Variants in CASZ1 observed in about 807,000 individuals in gnomAD.
CASZ1 encodes the protein zinc finger protein castor homolog 1.
CASZ1 carries 28 observed loss-of-function variants against 135.2 expected under a neutral mutation model. The observed-to-expected ratio is 0.21, with a 90% confidence interval of 0.15 to 0.28. The LOEUF (loss-of-function observed/expected upper bound fraction) is 0.28. Ranked by LOEUF, CASZ1 falls within the 10% of genes least tolerant of loss-of-function variation. CASZ1 has a pLI of 1.00. For synonymous variants in CASZ1, 1,068 were observed against 1,073.4 expected (o/e 0.99, Z 0.10); for missense variants, 2,161 against 2,453.3 (o/e 0.88, Z 2.52).
rs546281697 is a variant in CASZ1 at position 10,700,140 on chromosome 1, C to T, written c.-24+5352G>A. Among the ~76,000 whole-genome samples, 3 of 141,100 alleles carry T rather than the reference C, an allele frequency of 2.1e-5. No homozygotes were observed. Among genetic ancestry groups the T allele is most frequent in the African/African-American group, 7.9e-5 (3 of 37,972 alleles). The allele number at this position is 141,100 out of a possible 152,430, so 92.6% of individuals were successfully genotyped here. On this transcript the variant is annotated intron_variant, in intron 3 of 20. Transcript: ENST00000377022. The surrounding 1 kb of genome is among the most constrained non-coding windows in gnomAD (Gnocchi z 4.2). ...ACAGAGTATGAAGCAGGGACCTGGG[C>T]TAGTTGGGTTGCCCTGTGGGCCTGG...
chr1:10,716,809 T>C (rs1639402917), intron 2 of CASZ1, among the ~76,000 whole-genome samples: 1 of 152,220 alleles, frequency 6.6e-6, no homozygotes, highest in Non-Finnish European at 1.5e-5. Context: ...GCCCTGAGCA[T>C]GGAGTCAGTC....
intron 1 of CASZ1, among the ~76,000 whole-genome samples, chr1:10,789,716 C>T (rs886919315): frequency 3.3e-5 from 5 of 152,058 alleles, no homozygotes; most frequent in Admixed American, 6.5e-5. Flanking sequence ...CATCTCTCTT[C>T]TTCCTTCTCC....
chr1:10,660,477 ACATGCCGAGGAACTCGGT>A lies in CASZ1; in HGVS notation c.547_564del (p.Thr183_Met188del), dbSNP rs755970743. On this transcript the variant is annotated inframe_deletion, in exon 6 of 21. Coordinates refer to ENST00000377022, the MANE Select transcript of CASZ1 (RefSeq NM_001079843.3). Reference sequence around the variant, plus strand: ...CGCGTGTTCTGGTCATCATAGCCAAACATGCCGAGGAACTCGGTCATGGTGGAGGCCGCGTAGTCCCGC... The same window carrying A: ...CGCGTGTTCTGGTCATCATAGCCAAACATGGTGGAGGCCGCGTAGTCCCGC... 1 of 1,614,032 alleles carries A rather than the reference ACATGCCGAGGAACTCGGT, an allele frequency of 6.2e-7. No homozygotes were observed. The highest frequency in any genetic ancestry group is 8.5e-7 in the Non-Finnish European group (1 of 1,179,976).
At chr1:10,729,637 T>C (rs941031180) in intron 2 of CASZ1, among the ~76,000 whole-genome samples, 1 of 152,128 alleles carries the variant, frequency 6.6e-6, no homozygotes, top group African/African-American at 2.4e-5. Context: ...AAAGTCCCCA[T>C]AGTGGAACAC....
intron 1 of CASZ1, among the ~76,000 whole-genome samples, chr1:10,792,653 G>C (rs934652480): frequency 1.3e-5 from 2 of 150,918 alleles, no homozygotes; most frequent in African/African-American, 4.9e-5. Context: ...ATTTTTTTCT[G>C]TCTTCCTTTC....
intron 18 of CASZ1, among the ~76,000 whole-genome samples, chr1:10,643,821 G>A (rs575232152): frequency 1.9e-4 from 29 of 152,334 alleles, no homozygotes; most frequent in African/African-American, 6.7e-4. Context: ...CGCCCAGGCC[G>A]GCCAGGTGTC....
intron 1 of CASZ1, among the ~76,000 whole-genome samples, chr1:10,770,180 G>A (rs967071727): frequency 8.6e-5 from 13 of 152,008 alleles, no homozygotes; most frequent in Admixed American, 3.3e-4. Flanking sequence ...CACCTCCTGG[G>A]CTCAAGCCAT....
At position 10,794,986 on chromosome 1, in the gene CASZ1, T is replaced by A. The variant is rs1363029872; in HGVS notation, c.-234+1578A>T. The stretch of plus-strand genomic sequence containing the variant: ...CGCCCCCTCCCCTTCCAGACCCGGC[T>A]GCCCGGCCCGCCAGCTCCCGGCAGT... On this transcript the variant is annotated intron_variant, in intron 1 of 20. Coordinates refer to ENST00000377022, the MANE Select transcript of CASZ1 (RefSeq NM_001079843.3). This position sits in a 1 kb window ranked among gnomAD's most constrained non-coding sequence, Gnocchi z 5.6. Among the ~76,000 whole-genome samples the A allele has an allele frequency of 6.6e-6, 1 of 151,258 alleles. No homozygotes were observed. The highest frequency in any genetic ancestry group is 2.4e-5 in the African/African-American group (1 of 41,188).
In CASZ1 at chr1:10,762,174, T is replaced by A. The variant is rs994435208; in HGVS notation, c.-233-1317A>T. Among the ~76,000 whole-genome samples the A allele has an allele frequency of 2.0e-5, 3 of 152,050 alleles. No homozygotes were observed. Among genetic ancestry groups the A allele is most frequent in the South Asian group, 2.1e-4 (1 of 4,794 alleles). On this transcript the variant is annotated intron_variant, in intron 1 of 20. Transcript: ENST00000377022. This position sits in a 1 kb window ranked among gnomAD's most constrained non-coding sequence, Gnocchi z 4.1. ...CTCTTTGAAGGTGAGAGCTTCAGCA[T>A]CAGCTCTGCCCTACCTCGGCTGGGG...
intron 3 of CASZ1, among the ~76,000 whole-genome samples, chr1:10,695,516 A>C (rs569255790): frequency 6.9e-6 from 1 of 144,922 alleles, no homozygotes; most frequent in Admixed American, 6.8e-5. Context: ...GGCGCTCAGT[A>C]GAGCACAGGC....
intron 1 of CASZ1, among the ~76,000 whole-genome samples, chr1:10,780,619 G>C (rs138610525): frequency 2.6e-5 from 4 of 152,288 alleles, no homozygotes; most frequent in Non-Finnish European, 4.4e-5. Context: ...AAATACACCA[G>C]ATACTAAACA....
rs372560863 is a variant in CASZ1, at chr1:10,720,196, G to T, written c.-76-14652C>A. Among the ~76,000 whole-genome samples, 1 of 152,220 alleles carries T rather than the reference G, an allele frequency of 6.6e-6. No homozygotes were observed. The highest frequency in any genetic ancestry group is 2.4e-5 in the African/African-American group (1 of 41,452). On this transcript the variant is annotated intron_variant, in intron 2 of 20. Coordinates refer to ENST00000377022, the MANE Select transcript of CASZ1 (RefSeq NM_001079843.3). This position sits in a 1 kb window ranked among gnomAD's most constrained non-coding sequence, Gnocchi z 5.7. ...AATGCACGCGATGATCGTGCCTGTC[G>T]CAGGGGGCTGTGGTGAGGGTTTGGG... is the stretch of plus-strand genomic sequence containing the variant.
rs751106828 is a variant in CASZ1, at chr1:10,651,108, G to C, written c.2681-32C>G. ...GGGAGGGGTGGGAAGATGCGTCAGA[G>C]GGGCTGAAGGCCTGGCCCGGGCACA... On this transcript the variant is annotated intron_variant, in intron 11 of 20. Coordinates refer to ENST00000377022, the MANE Select transcript of CASZ1 (RefSeq NM_001079843.3). 3.4e-6 allele frequency: 5 copies of C among 1,461,306 alleles called. No homozygotes were observed. The South Asian group carries it at 6.1e-5, about 18-fold the overall frequency. 90.5% of individuals were successfully genotyped at this position (1,461,306 alleles called of 1,614,324 possible). A position where few individuals can be genotyped will look rare whatever the true frequency, so the allele number is the denominator to read the frequency against.
rs749858052 is a variant in CASZ1, at chr1:10,649,168, G to T, written c.3060C>A (p.Asp1020Glu). Residue 1020 changes from aspartate to glutamate, a missense_variant, in exon 15 of 21, where the codon GAC (aspartate) becomes GAA (glutamate). Asp to Glu is a conservative substitution (Grantham distance 45). Coordinates refer to ENST00000377022, the MANE Select transcript of CASZ1 (RefSeq NM_001079843.3). ...CCTTGTGGAGGAAGTCACACTGGCC[G>T]TCACAGAAGTCCTTTGTACCAAACC... ...LRRFGTKDFC[D>E]GQCDFLHKAH... 2 of 1,613,560 alleles carry T rather than the reference G, an allele frequency of 1.2e-6. No homozygotes were observed. Among genetic ancestry groups the T allele is most frequent in the Non-Finnish European group, 1.7e-6 (2 of 1,180,014 alleles).
chr1:10,660,560 T>A, intron 5 of CASZ1, 24 bp from the exon 6 acceptor site: 4 of 1,591,514 alleles, frequency 2.5e-6, no homozygotes, highest in East Asian at 2.2e-5. Context: ...TGGGGGCGCA[T>A]CACCTCTGGG....
chr1:10,641,671 A>AG (rs947829794), intron 20 of CASZ1, among the ~76,000 whole-genome samples: 1 of 152,164 alleles, frequency 6.6e-6, no homozygotes, highest in Non-Finnish European at 1.5e-5. Flanking sequence ...GCCAGATCCC[A>AG]GGGGGACTCC....
At chr1:10,758,732 A>G (rs1019488453) in intron 2 of CASZ1, among the ~76,000 whole-genome samples, 2 of 152,128 alleles carry the variant, frequency 1.3e-5, no homozygotes, top group African/African-American at 4.8e-5. Context: ...TGCAGACCAG[A>G]CCTACGCACA....
intron 1 of CASZ1, among the ~76,000 whole-genome samples, chr1:10,793,996 G>C (rs956138987): frequency 1.3e-5 from 2 of 152,150 alleles, no homozygotes; most frequent in Admixed American, 6.5e-5. Context: ...CTTTGCGCTC[G>C]GGCGCCGAAC....
rs1641077845 is a variant in CASZ1 at position 10,796,618 on chromosome 1, G to A, written c.-288C>T. The A allele has an allele frequency of 6.6e-6, 1 of 152,320 alleles. No individual in the cohort carries two copies. The highest frequency in any genetic ancestry group is 2.1e-4 in the South Asian group (1 of 4,838). 9.4% of individuals were successfully genotyped at this position (152,320 alleles called of 1,614,324 possible). ...CCAAGTCCGGGGGAAAAATGTGTGT[G>A]TGTTTGGGATGGAGCGCCGCGGGCG... On this transcript the variant is annotated 5_prime_UTR_variant, in exon 1 of 21. Transcript: ENST00000377022.
Sources: gnomAD v4.1 joint callset for allele counts (sites outside exome capture counted in the v4.1 genomes callset) on GRCh38, gnomAD v4.1.1 for gene constraint, Gnocchi (gnomAD v3.1) non-coding constraint, MANE v1.5 for transcripts, NCBI Gene and HGNC (gene_info 2026-07-23, HGNC 2026-07-21) for gene names.